Variants in FAM149B1 observed in about 807,000 individuals in gnomAD.
FAM149B1 encodes primary cilium assembly protein FAM149B1.
A neutral mutation model predicts 75.3 loss-of-function variants in FAM149B1; 56 were observed. The observed-to-expected ratio is 0.74, with a 90% CI of 0.60 to 0.93. The LOEUF (loss-of-function observed/expected upper bound fraction) is 0.93. FAM149B1 is among the 40% of genes least tolerant of loss of function. FAM149B1 has a pLI of 0.00. For synonymous variants in FAM149B1, 259 were observed against 256.1 expected (o/e 1.01, Z -0.11); for missense variants, 639 against 708.4 (o/e 0.90, Z 1.11).
chr10:73,233,133 C>G lies in FAM149B1; in HGVS notation c.1322C>G (p.Ser441Cys). 1.3e-6 allele frequency: 2 copies of G among 1,551,732 alleles called. No individual in the cohort carries two copies. Among genetic ancestry groups the G allele is most frequent in the Non-Finnish European group, 1.7e-6 (2 of 1,146,980 alleles). The stretch of plus-strand genomic sequence containing the variant: ...CATTCATGTGCTGAAACACCAAGAT[C>G]TGTGGAAGAAATCCTCAGAGGAGCC... ...TSHSCAETPR[S>C]VEEILRGARV... is the part of the protein sequence containing the mutation. Residue 441 changes from serine (S) to cysteine (C), a missense_variant, in exon 10 of 14, where the codon TCT becomes TGT. Transcript: ENST00000242505.
chr10:73,222,206 A>C (rs79440751), intron 7 of FAM149B1, among the ~76,000 whole-genome samples: 1 of 152,168 alleles, frequency 6.6e-6, no homozygotes, highest in South Asian at 2.1e-4. Context: ...CTGAAATGCA[A>C]TTAAGTTACT....
At position 73,235,175 on chromosome 10, in the gene FAM149B1, CTT is replaced by C; in HGVS notation, c.1477-15_1477-14del. 2 of 1,550,992 alleles carry C rather than the reference CTT, an allele frequency of 1.3e-6. No homozygotes were observed. The highest frequency in any genetic ancestry group is 1.7e-6 in the Non-Finnish European group (2 of 1,146,476). On this transcript the variant is annotated splice_polypyrimidine_tract_variant and intron_variant, in intron 11 of 13. Transcript: ENST00000242505. ...CAGATAGTTTTCACTGTTTCTGTAACTTTTGTCTCCTCTGCAGAAACCCCATG... is the reference window on the plus strand; with the variant it reads ...CAGATAGTTTTCACTGTTTCTGTAACTTGTCTCCTCTGCAGAAACCCCATG...
At chr10:73,225,526 G>T (rs1044780211) in intron 7 of FAM149B1, among the ~76,000 whole-genome samples, 10 of 152,172 alleles carry the variant, frequency 6.6e-5, no homozygotes, top group African/African-American at 2.4e-4. Context: ...TACAGTGTTT[G>T]TGCCTTAAGC....
intron 1 of FAM149B1, among the ~76,000 whole-genome samples, chr10:73,171,002 CTGTTGCACA>C (rs1843687109): frequency 6.6e-6 from 1 of 150,786 alleles, no homozygotes; most frequent in African/African-American, 2.4e-5. Flanking sequence ...GACGGAGTCT[CTGTTGCACA>C]GGTTGGAGTG....
intron 1 of FAM149B1, among the ~76,000 whole-genome samples, chr10:73,171,757 T>G (rs554587498): frequency 1.1e-3 from 163 of 151,720 alleles, no homozygotes; most frequent in Non-Finnish European, 1.8e-3. Context: ...GCCTCCCGAG[T>G]AGCTGGGACT....
chr10:73,204,904 A>C (rs1177338677), intron 5 of FAM149B1, among the ~76,000 whole-genome samples: 1 of 133,634 alleles, frequency 7.5e-6, no homozygotes, highest in African/African-American at 2.8e-5. Flanking sequence ...CAGCCTCCCA[A>C]AGTGCTGGGA....
At position 73,194,363 on chromosome 10, in the gene FAM149B1, A is replaced by C. The variant is rs147014641; in HGVS notation, c.542+770A>C. ...AGAAAAAGACTTTAAAACTTTTTTG[A>C]AAAAAAAGTTGAAAAAGTGATTTAT... On this transcript the variant is annotated intron_variant, in intron 5 of 13. Transcript: ENST00000242505. 4.0e-3 allele frequency among the ~76,000 whole-genome samples: 603 copies of C among 152,052 alleles called. 10 individuals are homozygous for C. The highest frequency in any genetic ancestry group is 0.014 in the African/African-American group (578 of 41,502).
chr10:73,173,286 A>T (rs1160218538), intron 1 of FAM149B1, among the ~76,000 whole-genome samples: 1 of 152,206 alleles, frequency 6.6e-6, no homozygotes. Flanking sequence ...CAGGAAAATG[A>T]CGTTGGTACA....
rs567292300 is a variant in FAM149B1 at position 73,233,094 on chromosome 10, C to T, written c.1283C>T (p.Pro428Leu). 24 of 1,551,658 alleles carry T rather than the reference C, an allele frequency of 1.5e-5. No individual in the cohort carries two copies. In the Admixed American group the frequency reaches 2.7e-4, roughly 18 times the overall value. The change falls in exon 10 of 14, where the codon CCG becomes CTG. Residue 428 changes from proline (P) to leucine (L), a missense_variant. Physicochemically the swap from Pro to Leu is moderately conservative, Grantham distance 98. Transcript: ENST00000242505. ...RRNPPPRTLH[P>L]ISTSHSCAET... Reference sequence around the variant, plus strand: ...AATCCACCACCACGAACTCTTCATCCGATCAGCACGAGCCATTCATGTGCT... The same window carrying T: ...AATCCACCACCACGAACTCTTCATCTGATCAGCACGAGCCATTCATGTGCT...
intron 3 of FAM149B1, among the ~76,000 whole-genome samples, chr10:73,189,035 ATAAT>A (rs1013048706): frequency 6.6e-5 from 10 of 152,080 alleles, no homozygotes; most frequent in South Asian, 2.1e-4. Context: ...TCTCTAAAAA[ATAAT>A]TAATTAATTA....
At chr10:73,212,264 T>C (rs186423383) in intron 7 of FAM149B1, among the ~76,000 whole-genome samples, 491 of 152,324 alleles carry the variant, frequency 3.2e-3, no homozygotes, top group Non-Finnish European at 5.2e-3. Context: ...AATGGAGCGA[T>C]AAACATATGA....
At chr10:73,187,423 A>G (rs1229327350) in intron 3 of FAM149B1, among the ~76,000 whole-genome samples, 1 of 151,218 alleles carries the variant, frequency 6.6e-6, no homozygotes, top group Admixed American at 6.6e-5. Flanking sequence ...AAATTGAAAC[A>G]GAAATAGAAA....
intron 3 of FAM149B1, among the ~76,000 whole-genome samples, chr10:73,191,327 C>T (rs1435446596): frequency 3.5e-5 from 5 of 141,882 alleles, no homozygotes; most frequent in African/African-American, 1.0e-4. Flanking sequence ...ATGAGTCACC[C>T]GCCTTGGCCT....
chr10:73,197,904 A>G (rs535213592), intron 5 of FAM149B1, among the ~76,000 whole-genome samples: 75 of 152,352 alleles, frequency 4.9e-4, no homozygotes, highest in African/African-American at 1.8e-3. Context: ...TGCTACTTCA[A>G]GTTAGCTAAG....
intron 3 of FAM149B1, among the ~76,000 whole-genome samples, chr10:73,190,512 C>A (rs1272817893): frequency 2.0e-5 from 3 of 151,848 alleles, no homozygotes; most frequent in Non-Finnish European, 4.4e-5. Context: ...AAAAAACCCA[C>A]TCCCAGACAG....
chr10:73,212,697 G>C (rs563100916), intron 7 of FAM149B1, among the ~76,000 whole-genome samples: 1 of 152,200 alleles, frequency 6.6e-6, no homozygotes, highest in Non-Finnish European at 1.5e-5. Flanking sequence ...TTCCATAAAG[G>C]CTGTACTAAT....
At chr10:73,214,957 TTTG>T (rs1211173044) in intron 7 of FAM149B1, among the ~76,000 whole-genome samples, 1 of 152,148 alleles carries the variant, frequency 6.6e-6, no homozygotes, top group East Asian at 1.9e-4. Flanking sequence ...TTTTTAGGCT[TTTG>T]TTGTTGTTGG....
At chr10:73,200,774 C>G (rs1195866681) in intron 5 of FAM149B1, 15 of 466,708 alleles carry the variant, frequency 3.2e-5, no homozygotes, top group South Asian at 1.8e-4. Context: ...CAGTGTTGAG[C>G]AGGAGGAATG....
At chr10:73,239,869 C>T (rs1014519424) in intron 13 of FAM149B1, among the ~76,000 whole-genome samples, 2 of 152,088 alleles carry the variant, frequency 1.3e-5, no homozygotes, top group Non-Finnish European at 2.9e-5. Flanking sequence ...CGCATTAACT[C>T]TTTTTATCTT....
Sources: allele counts gnomAD v4.1 joint callset (sites outside exome capture counted in the v4.1 genomes callset), GRCh38; gene constraint gnomAD v4.1.1; transcripts MANE v1.5; gene names NCBI Gene and HGNC (gene_info 2026-07-23, HGNC 2026-07-21).